The following MAP4K4 variants were observed in gnomAD, a reference collection of about 807,000 sequenced individuals.
MAP4K4 encodes HPK/GCK-like kinase HGK.
A neutral mutation model predicts 189.6 loss-of-function variants in MAP4K4; 38 were observed. The ratio of observed to expected loss-of-function variants is 0.20; its 90% CI spans 0.15 to 0.26. The LOEUF is 0.26. Ranked by LOEUF, MAP4K4 falls within the 10% of genes least tolerant of loss-of-function variation. MAP4K4 has a pLI of 1.00. For synonymous variants in MAP4K4, 610 were observed against 624.3 expected, an observed-to-expected ratio of 0.98 and a Z score of 0.34; for missense variants, 1,054 against 1,726.9, an observed-to-expected ratio of 0.61 and a Z score of 6.91.
At chr2:101,781,686 G>A (rs2087583958) in intron 2 of MAP4K4, among the ~76,000 whole-genome samples, 2 of 152,052 alleles carry the variant, frequency 1.3e-5, no homozygotes, top group South Asian at 4.1e-4. Context: ...CTGTTGCATT[G>A]GTAATCAAGT....
intron 2 of MAP4K4, among the ~76,000 whole-genome samples, chr2:101,750,831 A>G (rs964643862): frequency 6.6e-6 from 1 of 151,994 alleles, no homozygotes; most frequent in Non-Finnish European, 1.5e-5. Flanking sequence ...GTCTAAAAAA[A>G]AAAAAAAGAA....
intron 13 of MAP4K4, among the ~76,000 whole-genome samples, chr2:101,856,551 A>G (rs1194761395): frequency 4.6e-5 from 7 of 152,220 alleles, no homozygotes. Flanking sequence ...TTGAATATCC[A>G]GTGGCTAAGT....
At chr2:101,734,024 G>A (rs2059478151) in intron 2 of MAP4K4, among the ~76,000 whole-genome samples, 1 of 152,120 alleles carries the variant, frequency 6.6e-6, no homozygotes, top group Non-Finnish European at 1.5e-5. Context: ...AAATTCGACC[G>A]AGCTTGGTGC....
chr2:101,843,287 G>A (rs1330517174), intron 11 of MAP4K4, among the ~76,000 whole-genome samples: 1 of 152,142 alleles, frequency 6.6e-6, no homozygotes, highest in Non-Finnish European at 1.5e-5. Flanking sequence ...AAGGGAGGGT[G>A]GAAGGGCATC....
intron 4 of MAP4K4, among the ~76,000 whole-genome samples, chr2:101,824,812 T>C (rs754723207): frequency 7.2e-5 from 11 of 152,226 alleles, no homozygotes; most frequent in Non-Finnish European, 8.8e-5. Flanking sequence ...TGTGATCATA[T>C]TGTTCAAACT....
intron 2 of MAP4K4, among the ~76,000 whole-genome samples, chr2:101,725,868 G>C (rs922504973): frequency 2.0e-5 from 3 of 152,150 alleles, no homozygotes; most frequent in African/African-American, 7.2e-5. Flanking sequence ...TAGTTGATGT[G>C]GTGGGTTCCG....
intron 2 of MAP4K4, among the ~76,000 whole-genome samples, chr2:101,772,864 G>T (rs1483772822): frequency 6.6e-6 from 1 of 152,190 alleles, no homozygotes; most frequent in Non-Finnish European, 1.5e-5. Context: ...AGGGGACTGG[G>T]CTCTGGAAGT....
chr2:101,765,104 T>C (rs2078043936), intron 2 of MAP4K4, among the ~76,000 whole-genome samples: 1 of 151,938 alleles, frequency 6.6e-6, no homozygotes, highest in South Asian at 2.1e-4. Flanking sequence ...AATTTCAAAA[T>C]GTGAGACCTT....
chr2:101,863,417 G>T (rs1313256382), intron 16 of MAP4K4, among the ~76,000 whole-genome samples: 3 of 152,094 alleles, frequency 2.0e-5, no homozygotes, highest in Non-Finnish European at 2.9e-5. Flanking sequence ...TGCACATTTG[G>T]CAGTGCGCTT....
At chr2:101,881,617 A>G (rs535381598) in intron 27 of MAP4K4, among the ~76,000 whole-genome samples, 1 of 152,320 alleles carries the variant, frequency 6.6e-6, no homozygotes, top group East Asian at 1.9e-4. Context: ...TTATGAGGAA[A>G]GCATCTAGTT....
intron 18 of MAP4K4, among the ~76,000 whole-genome samples, chr2:101,865,806 A>G (rs1230167254): frequency 6.6e-6 from 1 of 152,256 alleles, no homozygotes. Context: ...TTGAGGTGTC[A>G]GATGGATGAT....
exon 15 of MAP4K4, chr2:101,859,717 A>G (rs987698204): frequency 6.8e-6 from 11 of 1,612,708 alleles, no homozygotes; most frequent in Non-Finnish European, 9.3e-6. Context: ...AAGAACAAGC[A>G]TATCTCCTGT....
intron 3 of MAP4K4, among the ~76,000 whole-genome samples, chr2:101,794,805 CATTTTT>C (rs535223366): frequency 0.021 from 3,137 of 152,106 alleles, 84 homozygotes; most frequent in African/African-American, 0.07. Flanking sequence ...TTCCTGCCTC[CATTTTT>C]ATTTTTATTT....
At chr2:101,823,270 A>G (rs577930139) in intron 3 of MAP4K4, among the ~76,000 whole-genome samples, 4 of 152,268 alleles carry the variant, frequency 2.6e-5, no homozygotes, top group South Asian at 2.1e-4. Context: ...TCTTATTTCA[A>G]TAAACCAAGA....
At chr2:101,714,336 T>A (rs1347860425) in intron 2 of MAP4K4, among the ~76,000 whole-genome samples, 1 of 152,242 alleles carries the variant, frequency 6.6e-6, no homozygotes, top group African/African-American at 2.4e-5. Context: ...GCATTTCCTG[T>A]ACTTGTGAAG....
At chr2:101,855,919 ACAT>A in intron 12 of MAP4K4, 55 bp from the exon 13 acceptor site, 1 of 1,508,524 alleles carries the variant, frequency 6.6e-7, no homozygotes, top group South Asian at 1.3e-5. Context: ...GCACACTATA[ACAT>A]CATGAGAAAG....
intron 2 of MAP4K4, among the ~76,000 whole-genome samples, chr2:101,723,729 T>G (rs1175237292): frequency 1.3e-5 from 2 of 152,220 alleles, no homozygotes; most frequent in African/African-American, 2.4e-5. Context: ...TTCTACACTT[T>G]GAGAGAGATT....
At chr2:101,727,743 C>T (rs531518939) in intron 2 of MAP4K4, among the ~76,000 whole-genome samples, 5 of 152,272 alleles carry the variant, frequency 3.3e-5, no homozygotes, top group Admixed American at 2.6e-4. Flanking sequence ...CTGAGGCAGG[C>T]GGATCACCTG....
At chr2:101,854,404 A>T (rs2097379720) in intron 12 of MAP4K4, among the ~76,000 whole-genome samples, 1 of 152,188 alleles carries the variant, frequency 6.6e-6, no homozygotes, top group African/African-American at 2.4e-5. Context: ...AGTTTTGTGT[A>T]TTGAATTCGA....
Sources: allele counts gnomAD v4.1 joint callset (sites outside exome capture counted in the v4.1 genomes callset), GRCh38; gene constraint gnomAD v4.1.1; transcripts MANE v1.5; gene names NCBI Gene and HGNC (gene_info 2026-07-23, HGNC 2026-07-21).